Variants in MTR observed in about 807,000 individuals in gnomAD.
The protein encoded by MTR is methionine synthase.
In MTR, 84 loss-of-function variants were observed where a neutral mutation model predicts 154.8. That is an observed-to-expected ratio of 0.54 (90% CI 0.45 to 0.65). The LOEUF is 0.65. Ranked by LOEUF, MTR falls within the 30% of genes least tolerant of loss-of-function variation. The pLI is 0.00. For missense variants in MTR, 1,275 were observed against 1,570.2 expected, an observed-to-expected ratio of 0.81 and a Z score of 3.18; for synonymous variants, 554 against 553.9, an observed-to-expected ratio of 1.00 and a Z score of 0.00.
At position 236,850,392 on chromosome 1, in the gene MTR, C is replaced by G. The variant is rs372363134; in HGVS notation, c.1564C>G (p.Leu522Val). The part of the protein sequence containing the change: ...KIRVCTRAYH[L>V]LVKKLGFNPN... Reference sequence around the variant, plus strand: ...CAGAGTGTGCACCCGGGCCTACCATCTGCTTGTGAAAAAACTGGGCTTTAA... The same window carrying G: ...CAGAGTGTGCACCCGGGCCTACCATGTGCTTGTGAAAAAACTGGGCTTTAA... Residue 522 changes from leucine (L) to valine (V), a missense_variant, in exon 16 of 33, where the codon CTG becomes GTG. Leu to Val is a conservative substitution (Grantham distance 32). Transcript: ENST00000366577. 1 of 1,613,812 alleles carries G rather than the reference C, an allele frequency of 6.2e-7. No homozygotes were observed.
intron 4 of MTR, among the ~76,000 whole-genome samples, chr1:236,809,939 TC>T (rs1287194556): frequency 1.3e-5 from 2 of 152,214 alleles, no homozygotes; most frequent in African/African-American, 4.8e-5. Flanking sequence ...TAATTGTTAA[TC>T]CTGATTTAGT....
rs4659724 is a variant in MTR, at chr1:236,810,824, G to A, written c.502+229G>A. Among the ~76,000 whole-genome samples, 47,409 of 152,058 alleles carry A rather than the reference G, an allele frequency of 0.31. 8,974 individuals carry two copies. Among genetic ancestry groups the A allele is most frequent in the Non-Finnish European group, 0.4 (27,392 of 67,944 alleles). ...CTTGCTTTCAAATATATATGGTGGT[G>A]TGTTAATGCTGCTTTGTCAGCTGTG... On this transcript the variant is annotated intron_variant, in intron 5 of 32. Coordinates refer to ENST00000366577, the MANE Select transcript of MTR (RefSeq NM_000254.3).
In MTR at chr1:236,852,709, T is replaced by A. The variant is rs1663980157; in HGVS notation, c.1812+72T>A. ...GGGCAGGGGTTTTCAAAGTGTGGCATGCAGGCTAAGTCCGGCCTGCTGCCA... is the reference window on the plus strand; with the variant it reads ...GGGCAGGGGTTTTCAAAGTGTGGCAAGCAGGCTAAGTCCGGCCTGCTGCCA... On this transcript the variant is annotated intron_variant, in intron 17 of 32. Coordinates refer to ENST00000366577, the MANE Select transcript of MTR (RefSeq NM_000254.3). 2.9e-6 allele frequency: 4 copies of A among 1,390,130 alleles called. No individual in the cohort carries two copies. The East Asian group carries it at 9.1e-5, about 32-fold the overall frequency. 86.1% of individuals were successfully genotyped at this position (1,390,130 alleles called of 1,614,324 possible). A position where few individuals can be genotyped will look rare whatever the true frequency, so the allele number is the denominator to read the frequency against.
intron 20 of MTR, among the ~76,000 whole-genome samples, chr1:236,861,618 TG>T (rs1016481127): frequency 1.3e-5 from 2 of 152,344 alleles, no homozygotes; most frequent in African/African-American, 4.8e-5. Flanking sequence ...AGACTTGATT[TG>T]ACCAGGCACT....
intron 15 of MTR, among the ~76,000 whole-genome samples, chr1:236,849,553 A>G (rs1444528381): frequency 1.3e-5 from 2 of 152,066 alleles, no homozygotes; most frequent in Non-Finnish European, 2.9e-5. Flanking sequence ...CAATAAATGA[A>G]AGTTGCTGAG....
chr1:236,841,231 C>T (rs1233668451), intron 15 of MTR, among the ~76,000 whole-genome samples: 1 of 152,178 alleles, frequency 6.6e-6, no homozygotes, highest in Non-Finnish European at 1.5e-5. Flanking sequence ...TACAGCTTTA[C>T]TTTTATCCTT....
intron 24 of MTR, among the ~76,000 whole-genome samples, chr1:236,879,181 G>A (rs977769639): frequency 6.6e-6 from 1 of 152,170 alleles, no homozygotes; most frequent in Non-Finnish European, 1.5e-5. Context: ...CAATTCAGAG[G>A]AATGTAAAGT....
rs573319090 is a variant in MTR, at chr1:236,802,061, G to A, written c.35-1367G>A. ...TAGTAAGGGGTTGAAGAAAGGGGTT[G>A]TCACAGGGCGAGGAAGGTGGGACCA... On this transcript the variant is annotated intron_variant, in intron 1 of 32. Transcript: ENST00000366577. 1.7e-4 allele frequency among the ~76,000 whole-genome samples: 26 copies of A among 152,288 alleles called. No individual in the cohort carries two copies. In the East Asian group the frequency reaches 1.7e-3, roughly 10 times the overall value.
intron 7 of MTR, 66 bp from the exon 8 acceptor site, chr1:236,816,383 T>G: frequency 7.4e-7 from 1 of 1,344,602 alleles, no homozygotes; most frequent in Non-Finnish European, 1.1e-6. Context: ...TCATTTTATT[T>G]TGCCTTTATA....
intron 14 of MTR, among the ~76,000 whole-genome samples, chr1:236,836,847 G>A (rs1489932925): frequency 6.6e-6 from 1 of 152,166 alleles, no homozygotes; most frequent in African/African-American, 2.4e-5. Context: ...TTAGTATTGG[G>A]AAGAGGGTAG....
intron 27 of MTR, 109 bp downstream of exon 27, chr1:236,886,476 T>C: frequency 1.1e-6 from 1 of 945,772 alleles, no homozygotes; most frequent in Non-Finnish European, 1.7e-6. Flanking sequence ...CTAACGACTC[T>C]CAACTGTGTC....
intron 5 of MTR, among the ~76,000 whole-genome samples, chr1:236,812,128 T>C (rs564342219): frequency 1.8e-4 from 28 of 152,354 alleles, no homozygotes; most frequent in South Asian, 6.2e-4. Flanking sequence ...AGTGATCTGC[T>C]CACCCCAGGC....
rs754512965 is a variant in MTR at position 236,795,422 on chromosome 1, G to T, written c.-282G>T. 5 of 1,468,754 alleles carry T rather than the reference G, an allele frequency of 3.4e-6. No homozygotes were observed. The highest frequency in any genetic ancestry group is 4.5e-6 in the Non-Finnish European group (5 of 1,103,456). The allele number at this position is 1,468,754 out of a possible 1,614,324, so 91.0% of individuals were successfully genotyped here. On this transcript the variant is annotated 5_prime_UTR_variant, in exon 1 of 33. Transcript: ENST00000366577. Reference sequence around the variant, plus strand: ...CCCGCGACTCCGCCTCTGGCCGCGCGTGTCTGGCTGCTAGGCCGACACCAA... The same window carrying T: ...CCCGCGACTCCGCCTCTGGCCGCGCTTGTCTGGCTGCTAGGCCGACACCAA...
chr1:236,901,255 T>C lies in MTR; in HGVS notation c.*3611T>C, dbSNP rs1666905315. The C allele has an allele frequency of 6.6e-6, 1 of 152,574 alleles. No homozygotes were observed. The highest frequency in any genetic ancestry group is 2.1e-4 in the South Asian group (1 of 4,826). The allele number at this position is 152,574 out of a possible 1,614,324, so 9.5% of individuals were successfully genotyped here. On this transcript the variant is annotated 3_prime_UTR_variant, in exon 33 of 33. Coordinates refer to ENST00000366577, the MANE Select transcript of MTR (RefSeq NM_000254.3). ...CCCCTCAAGAGCAGCGTCAGGGGAT[T>C]GTGGGGACTGTTGGCACACAGCTGG...
At chr1:236,845,270 G>C (rs1267442945) in intron 15 of MTR, among the ~76,000 whole-genome samples, 1 of 152,142 alleles carries the variant, frequency 6.6e-6, no homozygotes, top group East Asian at 1.9e-4. Flanking sequence ...ACTTAACTGT[G>C]ACCACAAATT....
In MTR at chr1:236,850,469, GGA is replaced by G. The variant is rs1353430807; in HGVS notation, c.1643_1644del (p.Glu548GlyfsTer8). On this transcript the variant is annotated frameshift_variant, in exon 16 of 33. Transcript: ENST00000366577. LOFTEE classifies it high-confidence loss of function. ...ATATCCTAACCATTGGGACTGGAAT[GGA>G]GGAACACAACTTGTATGCCATTAAT... Reference protein sequence around the residue: ...PNILTIGTGMEEHNLYAINFI... With the variant: ...PNILTIGTGMXEHNLYAINFI... The G allele has an allele frequency of 6.2e-7, 1 of 1,613,588 alleles. No homozygotes were observed. Among genetic ancestry groups the G allele is most frequent in the African/African-American group, 1.3e-5 (1 of 74,810 alleles).
At chr1:236,830,704 T>C (rs990748167) in intron 12 of MTR, among the ~76,000 whole-genome samples, 1 of 152,182 alleles carries the variant, frequency 6.6e-6, no homozygotes, top group African/African-American at 2.4e-5. Context: ...TGCTTGCCTG[T>C]CCTGGGAACC....
At chr1:236,803,294 A>G (rs2103012847) in intron 1 of MTR, 134 bp from the exon 2 acceptor site, 1 of 885,508 alleles carries the variant, frequency 1.1e-6, no homozygotes, top group Admixed American at 2.2e-5. Context: ...TTTCCTATAT[A>G]GAGTTATGAG....
intron 25 of MTR, among the ~76,000 whole-genome samples, chr1:236,881,406 G>T (rs1258537409): frequency 6.6e-6 from 1 of 152,096 alleles, no homozygotes; most frequent in East Asian, 1.9e-4. Context: ...GGATATAACA[G>T]CTGGGGTGCA....
Sources: allele counts gnomAD v4.1 joint callset (sites outside exome capture counted in the v4.1 genomes callset), GRCh38; gene constraint gnomAD v4.1.1; transcripts MANE v1.5; gene names NCBI Gene and HGNC (gene_info 2026-07-23, HGNC 2026-07-21).